The following FRMPD1 variants were observed in gnomAD, a reference collection of about 807,000 sequenced individuals.
The protein encoded by FRMPD1 is FERM and PDZ domain-containing protein 1.
Under a neutral mutation model 117.8 loss-of-function variants are expected in FRMPD1, and 76 were observed. That is an observed-to-expected ratio of 0.65 (90% CI 0.54 to 0.78). The LOEUF (loss-of-function observed/expected upper bound fraction) is 0.78. FRMPD1 is among the 30% of genes least tolerant of loss of function. The probability of loss-of-function intolerance (pLI) is 0.00; values close to 1 mark genes in which losing one functional copy is unlikely to be tolerated. For missense variants in FRMPD1, 1,786 were observed against 1,964.5 expected (o/e 0.91, Z 1.72); for synonymous variants, 783 against 770.4 (o/e 1.02, Z -0.27).
At chr9:37,681,212 CAAAAAAA>C (rs72098221) in intron 1 of FRMPD1, among the ~76,000 whole-genome samples, 1 of 85,666 alleles carries the variant, frequency 1.2e-5, no homozygotes, top group Non-Finnish European at 2.2e-5. Context: ...GACTCTGTCT[CAAAAAAA>C]AAAAAAAAAA....
chr9:37,740,540 A>G lies in FRMPD1; in HGVS notation c.2012A>G (p.Lys671Arg). 1 of 1,614,246 alleles carries G rather than the reference A, an allele frequency of 6.2e-7. No homozygotes were observed. Among genetic ancestry groups the G allele is most frequent in the Non-Finnish European group, 8.5e-7 (1 of 1,180,036 alleles). The stretch of plus-strand genomic sequence containing the variant: ...CAGAGAGCCAACCCCCAGTGCCAGA[A>G]GACAGAGTTTTCCGAGAGTGCTGCT... Reference protein sequence around the residue: ...LAQRANPQCQKTEFSESAALE... With the variant: ...LAQRANPQCQRTEFSESAALE... The change falls in exon 15 of 16, where the codon AAG becomes AGG. Residue 671 changes from lysine to arginine, a missense_variant. Physicochemically the swap from Lys to Arg is conservative, Grantham distance 26. Coordinates refer to ENST00000377765, the MANE Select transcript of FRMPD1 (RefSeq NM_014907.3). The surrounding 1 kb of genome is among the most constrained non-coding windows in gnomAD (Gnocchi z 4.2).
chr9:37,704,243 G>A (rs899520186), intron 2 of FRMPD1, among the ~76,000 whole-genome samples: 8 of 152,042 alleles, frequency 5.3e-5, no homozygotes, highest in Non-Finnish European at 2.9e-5. Flanking sequence ...AAATTGATAC[G>A]CGCTGTAAGT....
rs776045673 is a variant in FRMPD1, at chr9:37,692,604, G to T, written c.-4-34G>T. 4 of 1,351,480 alleles carry T rather than the reference G, an allele frequency of 3.0e-6. No individual in the cohort carries two copies. In the Admixed American group the frequency reaches 5.0e-5, roughly 17 times the overall value. 83.7% of individuals were successfully genotyped at this position (1,351,480 alleles called of 1,614,324 possible). A position where few individuals can be genotyped will look rare whatever the true frequency, so the allele number is the denominator to read the frequency against. On this transcript the variant is annotated intron_variant, in intron 1 of 15. Transcript: ENST00000377765. The stretch of plus-strand genomic sequence containing the variant: ...TCAAAATCCTCTTTAGAGTATTTTG[G>T]TTAGCATCTTAAGAACACTCTTCTT...
At chr9:37,636,049 C>A in the FRMPD1 span, among the ~76,000 whole-genome samples, 1 of 152,218 alleles carries the variant, frequency 6.6e-6, no homozygotes, top group Non-Finnish European at 1.5e-5. Context: ...TTTCTCCAGG[C>A]TCAAGACACA....
the FRMPD1 span, among the ~76,000 whole-genome samples, chr9:37,638,573 A>G: frequency 6.6e-6 from 1 of 152,130 alleles, no homozygotes; most frequent in Non-Finnish European, 1.5e-5. Flanking sequence ...CATCCCAGAG[A>G]GGGGGGTCTT....
At position 37,692,651 on chromosome 9, in the gene FRMPD1, C is replaced by G. The variant is rs1464072534; in HGVS notation, c.10C>G (p.Leu4Val). 2.5e-6 allele frequency: 4 copies of G among 1,608,964 alleles called. No homozygotes were observed. The change falls in exon 2 of 16, where the codon CTG (leucine) becomes GTG (valine). Residue 4 changes from leucine to valine, a missense_variant. Physicochemically the swap from Leu to Val is conservative, Grantham distance 32. Transcript: ENST00000377765. ...TCTTCCTTTTAGGTAAATGGAAGAG[C>G]TGGAGACCAGTTTATTCCAGACACG... MEELETSLFQTRKA... is the reference protein window; with the variant it reads MEEVETSLFQTRKA...
At chr9:37,621,396 G>T in the FRMPD1 span, among the ~76,000 whole-genome samples, 1 of 152,156 alleles carries the variant, frequency 6.6e-6, no homozygotes, top group Non-Finnish European at 1.5e-5. Context: ...CTCACCAAGG[G>T]TCGAAGGATA....
intron 8 of FRMPD1, 73 bp downstream of exon 8, chr9:37,729,926 G>A (rs1231428902): frequency 1.3e-6 from 2 of 1,507,438 alleles, no homozygotes; most frequent in Non-Finnish European, 1.8e-6. Context: ...AGAACCTCTG[G>A]GGACAGGGCT....
chr9:37,658,068 C>T (rs952686716), intron 1 of FRMPD1, among the ~76,000 whole-genome samples: 4 of 152,172 alleles, frequency 2.6e-5, no homozygotes, highest in African/African-American at 7.2e-5. Context: ...AGTTAGGCCA[C>T]TTGGACCTTC....
chr9:37,715,649 T>A (rs1249860860), intron 5 of FRMPD1: 1 of 456,286 alleles, frequency 2.2e-6, no homozygotes, highest in East Asian at 6.9e-5. Context: ...TCCTTTGAAT[T>A]GTCTCTTTAA....
the FRMPD1 span, among the ~76,000 whole-genome samples, chr9:37,639,361 C>T: frequency 6.6e-6 from 1 of 152,178 alleles, no homozygotes; most frequent in Non-Finnish European, 1.5e-5. Flanking sequence ...CCAGTAGATT[C>T]TGGGTGTCGC....
intron 2 of FRMPD1, among the ~76,000 whole-genome samples, chr9:37,696,105 A>T (rs1311806022): frequency 9.7e-6 from 1 of 103,560 alleles, no homozygotes; most frequent in African/African-American, 3.9e-5. Context: ...GCTCTTTCCT[A>T]TCTCAGGGAT....
At chr9:37,625,864 T>C in the FRMPD1 span, among the ~76,000 whole-genome samples, 1 of 152,254 alleles carries the variant, frequency 6.6e-6, no homozygotes, top group Non-Finnish European at 1.5e-5. Flanking sequence ...GGTTGCTGTC[T>C]GCAGCGCCTC....
At chr9:37,644,912 C>T in the FRMPD1 span, among the ~76,000 whole-genome samples, 13 of 152,170 alleles carry the variant, frequency 8.5e-5, no homozygotes, top group African/African-American at 2.4e-4. Flanking sequence ...CATCTGCCCC[C>T]GGGGGCTGTG....
At chr9:37,698,928 A>G (rs1974054) in intron 2 of FRMPD1, among the ~76,000 whole-genome samples, 51,236 of 151,706 alleles carry the variant, frequency 0.34, 9,424 homozygotes, top group Non-Finnish European at 0.43. Context: ...TAGTAGAGAC[A>G]GGGTTTCTCA....
chr9:37,717,237 G>T (rs376412069), intron 5 of FRMPD1, among the ~76,000 whole-genome samples: 6 of 151,128 alleles, frequency 4.0e-5, no homozygotes, highest in Non-Finnish European at 7.4e-5. Flanking sequence ...CATATTGGCT[G>T]TTAGTGATCA....
intron 6 of FRMPD1, among the ~76,000 whole-genome samples, chr9:37,720,269 G>A (rs997597482): frequency 3.3e-5 from 5 of 152,240 alleles, no homozygotes; most frequent in Admixed American, 6.5e-5. Flanking sequence ...AAATTGGATT[G>A]AGTCTCTTTA....
Position 37,677,229 on chromosome 9 carries a change from G to A in FRMPD1, c.-4-15409G>A, listed in dbSNP as rs57581037. 5.3e-3 allele frequency among the ~76,000 whole-genome samples: 807 copies of A among 152,198 alleles called. 5 individuals carry two copies. The highest frequency in any genetic ancestry group is 0.019 in the African/African-American group (776 of 41,518). ...TCATAGTCATGGGCAAGAGTTCTGC[G>A]AGGCATGTCCTGGGCCCAGCCCTGC... On this transcript the variant is annotated intron_variant, in intron 1 of 15. Coordinates refer to ENST00000377765, the MANE Select transcript of FRMPD1 (RefSeq NM_014907.3).
intron 1 of FRMPD1, among the ~76,000 whole-genome samples, chr9:37,665,085 A>G (rs562976274): frequency 1.1e-4 from 17 of 152,340 alleles, no homozygotes; most frequent in African/African-American, 3.6e-4. Flanking sequence ...ACTCTTATCT[A>G]TAGCAAATAA....
Sources: allele counts gnomAD v4.1 joint callset (sites outside exome capture counted in the v4.1 genomes callset), GRCh38; gene constraint gnomAD v4.1.1; non-coding constraint Gnocchi (gnomAD v3.1); transcripts MANE v1.5; gene names NCBI Gene and HGNC (gene_info 2026-07-23, HGNC 2026-07-21).